Variants in AP3B1 observed in about 807,000 individuals in gnomAD.
The protein encoded by AP3B1 is adaptor related protein complex 3 subunit beta 1.
AP3B1 carries 61 observed loss-of-function variants against 132.5 expected under a neutral mutation model. That is an observed-to-expected ratio of 0.46 (90% confidence interval 0.37 to 0.57). The LOEUF is 0.57. Among genes scored for constraint, AP3B1 ranks in the 20% least tolerant of loss-of-function variants. AP3B1 has a pLI of 0.00. For synonymous variants in AP3B1, 388 were observed against 438.3 expected (o/e 0.89, Z 1.43); for missense variants, 1,120 against 1,289.4 (o/e 0.87, Z 2.01).
chr5:78,178,515 G>A (rs1744242740), intron 8 of AP3B1, among the ~76,000 whole-genome samples: 1 of 152,114 alleles, frequency 6.6e-6, no homozygotes, highest in South Asian at 2.1e-4. Context: ...TCAGCTACTT[G>A]GGAGGTTGGG....
At chr5:78,275,753 T>A (rs1285972434) in intron 1 of AP3B1, among the ~76,000 whole-genome samples, 1 of 152,102 alleles carries the variant, frequency 6.6e-6, no homozygotes, top group Non-Finnish European at 1.5e-5. Flanking sequence ...ATAACAGGCA[T>A]GAGCCACTGC....
intron 14 of AP3B1, among the ~76,000 whole-genome samples, chr5:78,153,921 CATAGTT>C (rs370790672): frequency 4.7e-4 from 71 of 152,216 alleles, no homozygotes; most frequent in Middle Eastern, 3.4e-3. Context: ...GAAAAGTTGT[CATAGTT>C]ATGTTTAATC....
At chr5:78,067,952 C>CAAA (rs557591388) in intron 22 of AP3B1, among the ~76,000 whole-genome samples, 1 of 126,592 alleles carries the variant, frequency 7.9e-6, no homozygotes, top group East Asian at 2.0e-4. Flanking sequence ...AAAAACCCTT[C>CAAA]GAAAAAAAAA....
At chr5:78,279,830 GTA>G (rs70997982) in intron 1 of AP3B1, among the ~76,000 whole-genome samples, 1 of 142,998 alleles carries the variant, frequency 7.0e-6, no homozygotes, top group Non-Finnish European at 1.5e-5. Flanking sequence ...ATATAGGTGT[GTA>G]TATATATATA....
At chr5:78,125,670 G>A (rs1284618525) in intron 17 of AP3B1, among the ~76,000 whole-genome samples, 1 of 152,022 alleles carries the variant, frequency 6.6e-6, no homozygotes, top group Non-Finnish European at 1.5e-5. Flanking sequence ...TTTCTGCATG[G>A]CATCAACAGA....
intron 3 of AP3B1, 29 bp downstream of exon 3, chr5:78,240,833 A>G: frequency 2.0e-6 from 3 of 1,484,142 alleles, no homozygotes; most frequent in Non-Finnish European, 2.8e-6. Context: ...AACAAAAGGA[A>G]TCATAAAAAT....
At chr5:78,202,372 C>T (rs750346158) in intron 7 of AP3B1, among the ~76,000 whole-genome samples, 8 of 152,110 alleles carry the variant, frequency 5.3e-5, no homozygotes, top group Non-Finnish European at 1.0e-4. Context: ...TATTACAACT[C>T]CCCATCCCCC....
intron 18 of AP3B1, 177 bp downstream of exon 18, chr5:78,115,949 A>G (rs1751806294): frequency 3.0e-6 from 2 of 656,178 alleles, no homozygotes. Context: ...AAGAGAATTT[A>G]GTAATTAAAA....
rs143383426 is a variant in AP3B1 at position 78,104,168 on chromosome 5, A to C, written c.2398-3143T>G. Among the ~76,000 whole-genome samples, 71 of 152,284 alleles carry C rather than the reference A, an allele frequency of 4.7e-4. No homozygotes were observed. The East Asian group carries it at 0.013, about 29-fold the overall frequency. On this transcript the variant is annotated intron_variant, in intron 20 of 26. Transcript: ENST00000255194. ...ACAGGACAAGATATTTGCATGAAAT[A>C]TTTTCAATTAGAATTATCAACCAAA...
chr5:78,294,127 G>A (rs1361116038), intron 1 of AP3B1, among the ~76,000 whole-genome samples: 1 of 152,164 alleles, frequency 6.6e-6, no homozygotes, highest in Non-Finnish European at 1.5e-5. Flanking sequence ...ACTAGAAGAC[G>A]ATGCTCAAAA....
At chr5:78,263,380 G>A (rs1340499698) in intron 2 of AP3B1, among the ~76,000 whole-genome samples, 2 of 152,114 alleles carry the variant, frequency 1.3e-5, no homozygotes, top group Non-Finnish European at 2.9e-5. Context: ...GTAAACTTGC[G>A]TATTGGTTCT....
At chr5:78,080,448 ATTTTCTTTTTTTT>A (rs895641610) in intron 22 of AP3B1, among the ~76,000 whole-genome samples, 36 of 141,860 alleles carry the variant, frequency 2.5e-4, no homozygotes, top group African/African-American at 9.4e-4. Context: ...GTAGTTTCCA[ATTTTCTTTTTTTT>A]TTTTCTTTTT....
At chr5:78,178,948 C>T (rs982183802) in intron 8 of AP3B1, among the ~76,000 whole-genome samples, 1 of 151,988 alleles carries the variant, frequency 6.6e-6, no homozygotes, top group Non-Finnish European at 1.5e-5. Flanking sequence ...ATACAGGGTC[C>T]TAAATTTACT....
chr5:78,200,955 T>C lies in AP3B1; in HGVS notation c.786+15100A>G, dbSNP rs79448305. ...GGTGTTTACATTAAAATGAGGCCAT[T>C]AGGGTGGGCCCTAATACAATGTGAC... On this transcript the variant is annotated intron_variant, in intron 7 of 26. Transcript: ENST00000255194. Among the ~76,000 whole-genome samples the C allele has an allele frequency of 3.0e-3, 464 of 152,160 alleles. 4 individuals are homozygous for C. The highest frequency in any genetic ancestry group is 0.011 in the African/African-American group (443 of 41,514).
intron 6 of AP3B1, among the ~76,000 whole-genome samples, chr5:78,223,467 A>G (rs949482536): frequency 2.0e-5 from 3 of 151,246 alleles, no homozygotes. Flanking sequence ...TACACACTTA[A>G]TTACTATCAC....
chr5:78,248,512 A>AAAAAG (rs1561198117), intron 2 of AP3B1, among the ~76,000 whole-genome samples: 7 of 151,138 alleles, frequency 4.6e-5, no homozygotes, highest in East Asian at 3.9e-4. Flanking sequence ...AAAAAAAAAA[A>AAAAAG]AAAAGAAAAG....
At chr5:78,097,138 G>A (rs1429403440) in intron 21 of AP3B1, among the ~76,000 whole-genome samples, 2 of 126,640 alleles carry the variant, frequency 1.6e-5, no homozygotes, top group South Asian at 2.5e-4. Flanking sequence ...CCGGCCAGCC[G>A]CCCCGTCCGG....
intron 2 of AP3B1, among the ~76,000 whole-genome samples, chr5:78,243,633 G>A (rs1580535332): frequency 6.6e-6 from 1 of 152,200 alleles, no homozygotes; most frequent in Non-Finnish European, 1.5e-5. Flanking sequence ...TGAGGTGGAG[G>A]TGGGAGTTGC....
chr5:78,049,861 C>T (rs1222485193), intron 22 of AP3B1, among the ~76,000 whole-genome samples: 3 of 152,122 alleles, frequency 2.0e-5, no homozygotes, highest in East Asian at 1.9e-4. Context: ...CACCAAACTC[C>T]GTGATATGAG....
Sources: gnomAD v4.1 joint callset for allele counts (sites outside exome capture counted in the v4.1 genomes callset) on GRCh38, gnomAD v4.1.1 for gene constraint, MANE v1.5 for transcripts, NCBI Gene and HGNC (gene_info 2026-07-23, HGNC 2026-07-21) for gene names.